The following POPDC1 variants were observed in gnomAD, a reference collection of about 807,000 sequenced individuals.
POPDC1 encodes the protein popeye domain-containing protein 1.
the POPDC1 span, among the ~76,000 whole-genome samples, chr6:105,115,221 G>C: frequency 6.6e-6 from 1 of 152,156 alleles, no homozygotes; most frequent in Admixed American, 6.5e-5. Flanking sequence ...CGAGTAGCCA[G>C]GACTACAGGC....
At chr6:105,127,399 T>C in the POPDC1 span, among the ~76,000 whole-genome samples, 6 of 152,112 alleles carry the variant, frequency 3.9e-5, no homozygotes, top group African/African-American at 1.4e-4. Flanking sequence ...TAATGAGCAT[T>C]TAATATGATT....
the POPDC1 span, chr6:105,125,570 A>G: frequency 1.9e-6 from 3 of 1,613,844 alleles, no homozygotes; most frequent in Non-Finnish European, 2.5e-6. Flanking sequence ...GTTCCTTTTC[A>G]ATCTTTACCT....
chr6:105,135,104 A>G, the POPDC1 span, among the ~76,000 whole-genome samples: 1 of 152,232 alleles, frequency 6.6e-6, no homozygotes, highest in African/African-American at 2.4e-5. Context: ...TCATTTCGAC[A>G]GCACTGTAGA....
the POPDC1 span, among the ~76,000 whole-genome samples, chr6:105,114,994 G>GTC: frequency 6.6e-6 from 1 of 152,142 alleles, no homozygotes; most frequent in Non-Finnish European, 1.5e-5. Context: ...TCTAACTAAA[G>GTC]TCATGAAAGT....
chr6:105,124,408 AGAGAC>A, the POPDC1 span: 1 of 475,996 alleles, frequency 2.1e-6, no homozygotes. Flanking sequence ...AAAAAAAAAA[AGAGAC>A]AATACTATAT....
chr6:105,108,958 C>A, the POPDC1 span, among the ~76,000 whole-genome samples: 552 of 151,680 alleles, frequency 3.6e-3, 6 homozygotes, highest in African/African-American at 0.013. Flanking sequence ...ATGTCCTCAC[C>A]TTTTAAAACA....
chr6:105,107,869 T>A, the POPDC1 span, among the ~76,000 whole-genome samples: 1 of 152,206 alleles, frequency 6.6e-6, no homozygotes, highest in African/African-American at 2.4e-5. Context: ...AGATTTTTTT[T>A]AATTGAGGAA....
the POPDC1 span, among the ~76,000 whole-genome samples, chr6:105,113,047 C>T: frequency 9.3e-4 from 142 of 152,146 alleles, no homozygotes; most frequent in African/African-American, 3.3e-3. Context: ...CCTCTCACCT[C>T]AGCCTCCCAA....
chr6:105,107,125 C>T, the POPDC1 span, among the ~76,000 whole-genome samples: 10 of 152,126 alleles, frequency 6.6e-5, no homozygotes, highest in African/African-American at 2.2e-4. Context: ...CCTTTCCAGC[C>T]TCTGATAACC....
At chr6:105,121,538 G>A in the POPDC1 span, among the ~76,000 whole-genome samples, 3 of 152,106 alleles carry the variant, frequency 2.0e-5, no homozygotes, top group Non-Finnish European at 4.4e-5. Flanking sequence ...AAAGTGCCGG[G>A]ATTACAGGTG....
the POPDC1 span, chr6:105,100,548 A>ATGTGTG: frequency 1.8e-4 from 3 of 17,110 alleles, no homozygotes; most frequent in African/African-American, 4.2e-4. Context: ...GTATGTATAT[A>ATGTGTG]TATGTATATA....
At chr6:105,097,155 G>C in the POPDC1 span, 2 of 152,158 alleles carry the variant, frequency 1.3e-5, no homozygotes, top group Admixed American at 1.3e-4. Context: ...CATGAGTAAG[G>C]GAGCGTGTCC....
At chr6:105,104,160 A>G in the POPDC1 span, among the ~76,000 whole-genome samples, 1 of 151,854 alleles carries the variant, frequency 6.6e-6, no homozygotes, top group Admixed American at 6.6e-5. Context: ...TCTACTTGGA[A>G]TGGTTCCTCC....
the POPDC1 span, chr6:105,136,406 G>A: frequency 6.6e-6 from 1 of 152,198 alleles, no homozygotes; most frequent in Admixed American, 6.5e-5. Flanking sequence ...GGTCCTCCTC[G>A]GCCAGGCGCT....
At chr6:105,132,889 T>C in the POPDC1 span, among the ~76,000 whole-genome samples, 3 of 152,236 alleles carry the variant, frequency 2.0e-5, no homozygotes, top group Admixed American at 6.5e-5. Context: ...GTACTTACTA[T>C]GGGCAGGCAA....
At chr6:105,121,019 T>C in the POPDC1 span, among the ~76,000 whole-genome samples, 2 of 152,204 alleles carry the variant, frequency 1.3e-5, no homozygotes, top group Admixed American at 6.5e-5. Context: ...ATGTTTTCTT[T>C]CAATACCATT....
the POPDC1 span, among the ~76,000 whole-genome samples, chr6:105,102,079 T>C: frequency 1.3e-5 from 2 of 152,196 alleles, no homozygotes; most frequent in African/African-American, 2.4e-5. Context: ...AGGATCCATG[T>C]TGTCCGGGTT....
At chr6:105,115,927 T>A in the POPDC1 span, 2 of 1,219,850 alleles carry the variant, frequency 1.6e-6, no homozygotes, top group Non-Finnish European at 1.1e-6. Flanking sequence ...TTAGTGCATT[T>A]AAAAAAAAGA....
chr6:105,101,276 A>G, the POPDC1 span: 13 of 1,426,590 alleles, frequency 9.1e-6, no homozygotes, highest in East Asian at 2.6e-5. Flanking sequence ...CTGGTGTGAT[A>G]TATCAATTAT....
Sources: allele counts gnomAD v4.1 joint callset (sites outside exome capture counted in the v4.1 genomes callset), GRCh38; gene constraint gnomAD v4.1.1; transcripts MANE v1.5; gene names NCBI Gene and HGNC (gene_info 2026-07-23, HGNC 2026-07-21).